Variants in ATP23 observed in about 807,000 individuals in gnomAD.
ATP23 encodes ATP23 metallopeptidase and ATP synthase assembly factor homolog.
ATP23 carries 24 observed loss-of-function variants against 28.5 expected under a neutral mutation model. The ratio of observed to expected loss-of-function variants is 0.84; its 90% CI spans 0.61 to 1.18. The LOEUF (loss-of-function observed/expected upper bound fraction) is 1.18, where lower values mean the gene tolerates loss of function less well. Among genes scored for constraint, ATP23 ranks in the 50% most tolerant of loss-of-function variants. ATP23 has a pLI of 0.00. For missense variants in ATP23, 274 were observed against 306.4 expected (o/e 0.89, Z 0.79); for synonymous variants, 99 against 108.6 (o/e 0.91, Z 0.55).
At position 57,941,820 on chromosome 12, in the gene ATP23, G is replaced by A. The variant is rs1235998019; in HGVS notation, c.119G>A (p.Gly40Glu). The A allele has an allele frequency of 7.4e-6, 12 of 1,612,882 alleles. No individual in the cohort carries two copies. Among genetic ancestry groups the A allele is most frequent in the Admixed American group, 6.7e-5 (4 of 59,828 alleles). Reference protein sequence around the residue: ...ERLAQGNPQQGFFSSFFTSNQ... With the variant: ...ERLAQGNPQQEFFSSFFTSNQ... ...CTGGCCCAGGGGAATCCCCAGCAAG[G>A]GTTCTTCTCCAGCTTCTTCACCAGC... Residue 40 changes from glycine (G) to glutamate (E), a missense_variant, in exon 1 of 6, where the codon GGG becomes GAG. Coordinates refer to ENST00000300145, the MANE Select transcript of ATP23 (RefSeq NM_033276.4).
chr12:57,941,692 T>C lies in ATP23; in HGVS notation c.-10T>C. 1.9e-6 allele frequency: 3 copies of C among 1,604,208 alleles called. No homozygotes were observed. Among genetic ancestry groups the C allele is most frequent in the South Asian group, 1.1e-5 (1 of 90,090 alleles). On this transcript the variant is annotated 5_prime_UTR_variant, in exon 1 of 6. Coordinates refer to ENST00000300145, the MANE Select transcript of ATP23 (RefSeq NM_033276.4). ...GCCAGGAGGAAGCAGCGGCGAGGTCTGCGGGAGGCATGGCGGGAGCTCCGG... is the reference window on the plus strand; with the variant it reads ...GCCAGGAGGAAGCAGCGGCGAGGTCCGCGGGAGGCATGGCGGGAGCTCCGG...
chr12:57,945,819 C>T, intron 2 of ATP23, 146 bp downstream of exon 2: 1 of 694,058 alleles, frequency 1.4e-6, no homozygotes, highest in Non-Finnish European at 2.4e-6. Context: ...GCTGCATTGT[C>T]TCCGGGCTGG....
chr12:57,941,952 AGGGCCTG>A, intron 1 of ATP23, 64 bp downstream of exon 1: 1 of 1,582,516 alleles, frequency 6.3e-7, no homozygotes, highest in South Asian at 1.1e-5. Flanking sequence ...TGGGCGAGGA[AGGGCCTG>A]GGCAACACCT....
intron 2 of ATP23, among the ~76,000 whole-genome samples, chr12:57,946,544 G>A (rs1386769386): frequency 1.5e-5 from 2 of 135,174 alleles, no homozygotes; most frequent in Non-Finnish European, 3.1e-5. Flanking sequence ...CGCAACCTCC[G>A]CCTCCCGGGT....
chr12:57,945,205 C>T (rs144259885), intron 1 of ATP23, among the ~76,000 whole-genome samples: 9 of 152,136 alleles, frequency 5.9e-5, no homozygotes, highest in African/African-American at 2.2e-4. Context: ...TAAGCTTGGC[C>T]TCTCATGTCA....
chr12:57,941,954 G>A (rs1956708994), intron 1 of ATP23, 66 bp downstream of exon 1: 5 of 1,576,112 alleles, frequency 3.2e-6, no homozygotes, highest in Non-Finnish European at 4.3e-6. Context: ...GGCGAGGAAG[G>A]GCCTGGGCAA....
chr12:57,948,871 G>C (rs1460036926), intron 3 of ATP23, among the ~76,000 whole-genome samples: 1 of 152,100 alleles, frequency 6.6e-6, no homozygotes, highest in East Asian at 1.9e-4. Flanking sequence ...CTGCTTTTGA[G>C]CTTTATACAT....
chr12:57,942,286 G>A (rs1205889259), intron 1 of ATP23, among the ~76,000 whole-genome samples: 9 of 152,170 alleles, frequency 5.9e-5, no homozygotes, highest in Non-Finnish European at 1.2e-4. Context: ...GGCATACCAA[G>A]GCTGTAAAAA....
Position 57,951,062 on chromosome 12 carries a change from A to G in ATP23, c.316-696A>G, listed in dbSNP as rs115081507. On this transcript the variant is annotated intron_variant, in intron 3 of 5. Transcript: ENST00000300145. ...TACACAATCAATGGCAGCTATTACT[A>G]TTAGGATCCCTTGTGTCTTTCTTAT... is the stretch of plus-strand genomic sequence containing the variant. Among the ~76,000 whole-genome samples, 348 of 152,324 alleles carry G rather than the reference A, an allele frequency of 2.3e-3. 2 individuals are homozygous for G. Among genetic ancestry groups the G allele is most frequent in the African/African-American group, 8.0e-3 (333 of 41,574 alleles).
chr12:57,951,660 G>A, intron 3 of ATP23, 98 bp from the exon 4 acceptor site: 5 of 1,347,720 alleles, frequency 3.7e-6, no homozygotes, highest in Non-Finnish European at 5.2e-6. Context: ...AGGCAGGTGA[G>A]CTTGTGGGGG....
At chr12:57,955,219 T>C (rs1956854482) in intron 5 of ATP23, among the ~76,000 whole-genome samples, 1 of 151,722 alleles carries the variant, frequency 6.6e-6, no homozygotes, top group Non-Finnish European at 1.5e-5. Context: ...AAAAATATGC[T>C]AATTTTATAT....
At chr12:57,947,527 G>GA (rs1349741195) in intron 3 of ATP23, among the ~76,000 whole-genome samples, 5 of 152,276 alleles carry the variant, frequency 3.3e-5, no homozygotes, top group Admixed American at 1.3e-4. Flanking sequence ...GGGAATGAGG[G>GA]AAAATAGGAT....
At chr12:57,942,588 T>G (rs1956717392) in intron 1 of ATP23, among the ~76,000 whole-genome samples, 1 of 152,118 alleles carries the variant, frequency 6.6e-6, no homozygotes, top group Admixed American at 6.5e-5. Flanking sequence ...CACACCCTGC[T>G]AATTTTTTGT....
At chr12:57,947,563 G>A (rs1956774586) in intron 3 of ATP23, among the ~76,000 whole-genome samples, 1 of 152,164 alleles carries the variant, frequency 6.6e-6, no homozygotes, top group African/African-American at 2.4e-5. Flanking sequence ...GCCCTATGGT[G>A]GGAGGTTTTG....
rs1565878997 is a variant in ATP23 at position 57,956,783 on chromosome 12, T to A, written c.634T>A (p.Cys212Ser). The A allele has an allele frequency of 6.2e-7, 1 of 1,614,046 alleles. No individual in the cohort carries two copies. Among genetic ancestry groups the A allele is most frequent in the African/African-American group, 1.3e-5 (1 of 75,046 alleles). The change falls in exon 6 of 6, where the codon TGT (cysteine) becomes AGT (serine). Residue 212 changes from cysteine to serine, a missense_variant. Cys to Ser is a moderately radical substitution (Grantham distance 112). Coordinates refer to ENST00000300145, the MANE Select transcript of ATP23 (RefSeq NM_033276.4). The part of the protein sequence containing the change: ...KKAVDEVFES[C>S]FNDHEPFGRI... Reference sequence around the variant, plus strand: ...GGCTGTTGATGAAGTTTTTGAATCTTGTTTCAATGACCATGAACCTTTTGG... The same window carrying A: ...GGCTGTTGATGAAGTTTTTGAATCTAGTTTCAATGACCATGAACCTTTTGG...
chr12:57,944,978 C>A (rs1956745845), intron 1 of ATP23, among the ~76,000 whole-genome samples: 1 of 152,150 alleles, frequency 6.6e-6, no homozygotes, highest in African/African-American at 2.4e-5. Flanking sequence ...TGGCTACTGG[C>A]TTCCTCAAAT....
At chr12:57,942,412 T>G (rs950668712) in intron 1 of ATP23, among the ~76,000 whole-genome samples, 2 of 148,620 alleles carry the variant, frequency 1.3e-5, no homozygotes, top group African/African-American at 5.0e-5. Context: ...TGTGTGTGTG[T>G]GCCCCTAAGT....
At chr12:57,946,939 G>T (rs1956767405) in intron 2 of ATP23, 56 bp from the exon 3 acceptor site, 1 of 1,539,758 alleles carries the variant, frequency 6.5e-7, no homozygotes, top group South Asian at 1.1e-5. Flanking sequence ...CTGGCCCAGG[G>T]CTGTTTGCCA....
chr12:57,957,050 C>T lies in ATP23; in HGVS notation c.*160C>T. 1.9e-6 allele frequency: 1 copy of T among 536,268 alleles called. No homozygotes were observed. Among genetic ancestry groups the T allele is most frequent in the Non-Finnish European group, 2.9e-6 (1 of 340,000 alleles). The allele number at this position is 536,268 out of a possible 1,614,324, so 33.2% of individuals were successfully genotyped here. A position where few individuals can be genotyped will look rare whatever the true frequency, so the allele number is the denominator to read the frequency against. ...ATATTATCAGAAAAAGTAACTATGG[C>T]AAAAAATGAAACTGCTTTAAACTCC... On this transcript the variant is annotated 3_prime_UTR_variant, in exon 6 of 6. Transcript: ENST00000300145.
Sources: gnomAD v4.1 joint callset for allele counts (sites outside exome capture counted in the v4.1 genomes callset) on GRCh38, gnomAD v4.1.1 for gene constraint, MANE v1.5 for transcripts, NCBI Gene and HGNC (gene_info 2026-07-23, HGNC 2026-07-21) for gene names.